The following RSBN1L variants were observed in gnomAD, a reference collection of about 807,000 sequenced individuals.
RSBN1L encodes round spermatid basic protein 1 like.
RSBN1L carries 30 observed loss-of-function variants against 67.7 expected under a neutral mutation model. That is an observed-to-expected ratio of 0.44 (90% CI 0.33 to 0.60). RSBN1L has a LOEUF of 0.60. Among genes scored for constraint, RSBN1L ranks in the 20% least tolerant of loss-of-function variants. The probability of loss-of-function intolerance (pLI) is 0.02; values close to 1 mark genes in which losing one functional copy is unlikely to be tolerated. For synonymous variants in RSBN1L, 433 were observed against 387.0 expected (o/e 1.12, Z -1.39); for missense variants, 992 against 1,031.7 (o/e 0.96, Z 0.53).
chr7:77,709,298 C>CT lies in RSBN1L; in HGVS notation c.586+12252dup, dbSNP rs916743894. 4.9e-4 allele frequency among the ~76,000 whole-genome samples: 74 copies of CT among 149,908 alleles called. No homozygotes were observed. In the East Asian group the frequency reaches 7.6e-3, roughly 15 times the overall value. ...ATAGCAGTAGTTATTTTTTTCTTTT[C>CT]TTTTTTTTTGAGACAGAGTCTTCCT... is the stretch of plus-strand genomic sequence containing the variant. On this transcript the variant is annotated intron_variant, in intron 1 of 7. Coordinates refer to ENST00000334955, the MANE Select transcript of RSBN1L (RefSeq NM_198467.3).
chr7:77,756,867 T>C (rs1376751193), intron 3 of RSBN1L, among the ~76,000 whole-genome samples: 1 of 152,092 alleles, frequency 6.6e-6, no homozygotes, highest in East Asian at 1.9e-4. Flanking sequence ...TATATAGTAA[T>C]GCTATATGTG....
chr7:77,704,033 C>T (rs1239733008), intron 1 of RSBN1L, among the ~76,000 whole-genome samples: 1 of 152,194 alleles, frequency 6.6e-6, no homozygotes, highest in Non-Finnish European at 1.5e-5. Flanking sequence ...ATTATGTGAA[C>T]ATGGTATATT....
intron 1 of RSBN1L, among the ~76,000 whole-genome samples, chr7:77,716,785 C>G (rs1285589503): frequency 6.6e-6 from 1 of 151,754 alleles, no homozygotes; most frequent in African/African-American, 2.4e-5. Flanking sequence ...GCGTGCACCA[C>G]CACGCCAGGC....
intron 1 of RSBN1L, among the ~76,000 whole-genome samples, chr7:77,717,793 G>A (rs752752804): frequency 7.2e-5 from 11 of 152,084 alleles, no homozygotes; most frequent in Admixed American, 2.0e-4. Context: ...TGAGGTGGGC[G>A]GATCACCTGA....
intron 1 of RSBN1L, among the ~76,000 whole-genome samples, chr7:77,708,385 ATT>A (rs67403786): frequency 7.7e-5 from 11 of 142,344 alleles, no homozygotes; most frequent in Admixed American, 1.4e-4. Flanking sequence ...GGATGAGACT[ATT>A]TTTTTTTTTT....
At chr7:77,769,064 G>C (rs1463885081) in intron 5 of RSBN1L, among the ~76,000 whole-genome samples, 1 of 152,174 alleles carries the variant, frequency 6.6e-6, no homozygotes, top group Non-Finnish European at 1.5e-5. Context: ...TAGAATAAAT[G>C]TAATATTCAG....
At chr7:77,721,916 CTA>C (rs1791125207) in intron 1 of RSBN1L, among the ~76,000 whole-genome samples, 1 of 151,930 alleles carries the variant, frequency 6.6e-6, no homozygotes, top group Admixed American at 6.6e-5. Flanking sequence ...AGGAAAGAAA[CTA>C]TAGGTACGGA....
intron 1 of RSBN1L, among the ~76,000 whole-genome samples, chr7:77,724,677 T>G (rs1736382621): frequency 6.6e-6 from 1 of 151,980 alleles, no homozygotes; most frequent in African/African-American, 2.4e-5. Flanking sequence ...CCACCTGCCT[T>G]GCCCTCACAA....
At chr7:77,766,062 G>A (rs566310340) in intron 4 of RSBN1L, among the ~76,000 whole-genome samples, 6 of 152,292 alleles carry the variant, frequency 3.9e-5, no homozygotes, top group African/African-American at 1.2e-4. Context: ...AGGAAAACTC[G>A]CCTGGGAAAT....
chr7:77,764,040 T>C (rs1013417167), intron 3 of RSBN1L, among the ~76,000 whole-genome samples: 21 of 152,358 alleles, frequency 1.4e-4, no homozygotes, highest in African/African-American at 4.8e-4. Flanking sequence ...CTTTGTTACG[T>C]TGTGATACTC....
chr7:77,744,306 G>T (rs1043075347), intron 2 of RSBN1L, among the ~76,000 whole-genome samples: 2 of 152,152 alleles, frequency 1.3e-5, no homozygotes, highest in Non-Finnish European at 2.9e-5. Context: ...AACATGCTGG[G>T]ATTACAGGTG....
At chr7:77,743,477 T>C (rs77140856) in intron 2 of RSBN1L, among the ~76,000 whole-genome samples, 39 of 147,880 alleles carry the variant, frequency 2.6e-4, no homozygotes, top group Admixed American at 3.3e-4. Context: ...TTTTTTTTTT[T>C]CTAAAGGAAT....
intron 1 of RSBN1L, among the ~76,000 whole-genome samples, chr7:77,719,840 C>T (rs1192603843): frequency 6.6e-6 from 1 of 152,226 alleles, no homozygotes; most frequent in Admixed American, 6.5e-5. Context: ...TCATGGCTCA[C>T]TGCAGCCTCA....
chr7:77,773,718 G>A lies in RSBN1L; in HGVS notation c.1793+404G>A, dbSNP rs150149565. On this transcript the variant is annotated intron_variant, in intron 6 of 7. Coordinates refer to ENST00000334955, the MANE Select transcript of RSBN1L (RefSeq NM_198467.3). ...GCTGAGGGTGCAGTGAGCCGAGATC[G>A]CGCCACTGCACTCCAGCCTGGGTGA... is the stretch of plus-strand genomic sequence containing the variant. Among the ~76,000 whole-genome samples, 619 of 152,254 alleles carry A rather than the reference G, an allele frequency of 4.1e-3. 2 individuals carry two copies. Among genetic ancestry groups the A allele is most frequent in the East Asian group, 7.0e-3 (36 of 5,174 alleles).
rs1452521728 is a variant in RSBN1L, at chr7:77,696,724, T to C, written c.255T>C (p.Ser85=). 6.8e-6 allele frequency: 11 copies of C among 1,613,584 alleles called. No homozygotes were observed. The African/African-American group carries it at 1.2e-4, about 18-fold the overall frequency. Residue 85 remains serine, a synonymous_variant, in exon 1 of 8, where the codon TCT becomes TCC. Coordinates refer to ENST00000334955, the MANE Select transcript of RSBN1L (RefSeq NM_198467.3). ...PSPQSYGSPA[S]WSFAPLSAAP... is the part of the protein sequence containing the mutation. ...CTCAGAGCTATGGCAGCCCCGCGTC[T>C]TGGAGCTTTGCCCCTCTGTCTGCTG...
chr7:77,698,347 G>C (rs1790769317), intron 1 of RSBN1L, among the ~76,000 whole-genome samples: 1 of 152,194 alleles, frequency 6.6e-6, no homozygotes, highest in Admixed American at 6.5e-5. Context: ...CAGGTGATTA[G>C]TATTTTAAAG....
intron 3 of RSBN1L, among the ~76,000 whole-genome samples, chr7:77,755,798 T>C (rs1791610318): frequency 6.6e-6 from 1 of 152,160 alleles, no homozygotes; most frequent in Admixed American, 6.5e-5. Flanking sequence ...GATAAACCCG[T>C]AATAAAGTCA....
chr7:77,734,579 C>T (rs919018690), intron 1 of RSBN1L, among the ~76,000 whole-genome samples: 1 of 151,882 alleles, frequency 6.6e-6, no homozygotes, highest in Non-Finnish European at 1.5e-5. Context: ...ACCTCCACCT[C>T]CCGGGTTCAA....
chr7:77,718,604 G>C (rs577108317), intron 1 of RSBN1L, among the ~76,000 whole-genome samples: 1 of 152,036 alleles, frequency 6.6e-6, no homozygotes, highest in African/African-American at 2.4e-5. Context: ...AGTGTATTTT[G>C]TAAGACAGTT....
Sources: allele counts gnomAD v4.1 joint callset (sites outside exome capture counted in the v4.1 genomes callset), GRCh38; gene constraint gnomAD v4.1.1; transcripts MANE v1.5; gene names NCBI Gene and HGNC (gene_info 2026-07-23, HGNC 2026-07-21).